The following NFIB variants were observed in gnomAD, a reference collection of about 807,000 sequenced individuals.
NFIB encodes nuclear factor I B.
Under a neutral mutation model 61.5 loss-of-function variants are expected in NFIB, and 11 were observed. The ratio of observed to expected loss-of-function variants is 0.18; its 90% CI spans 0.11 to 0.30. NFIB has a LOEUF of 0.30. Ranked by LOEUF, NFIB falls within the 10% of genes least tolerant of loss-of-function variation. The probability of loss-of-function intolerance (pLI) is 1.00; values close to 1 mark genes in which losing one functional copy is unlikely to be tolerated. For missense variants in NFIB, 471 were observed against 608.9 expected (o/e 0.77, Z 2.38); for synonymous variants, 260 against 216.5 (o/e 1.20, Z -1.76).
intron 1 of NFIB, among the ~76,000 whole-genome samples, chr9:14,340,965 C>T (rs1021160793): frequency 2.0e-5 from 3 of 151,324 alleles, no homozygotes; most frequent in Middle Eastern, 3.4e-3. Flanking sequence ...CTTATTTATA[C>T]GTTAATACTC....
chr9:14,436,832 G>A, the NFIB span, among the ~76,000 whole-genome samples: 2,923 of 152,276 alleles, frequency 0.019, 50 homozygotes, highest in Non-Finnish European at 0.031. Flanking sequence ...GGATTCAGTG[G>A]AGAAGAAAAC....
the NFIB span, among the ~76,000 whole-genome samples, chr9:14,434,223 T>C: frequency 2.6e-5 from 4 of 152,172 alleles, no homozygotes; most frequent in African/African-American, 9.7e-5. Context: ...ATTGGGAAAG[T>C]TGTGATAGGA....
At chr9:14,330,288 C>A (rs1169540609) in intron 1 of NFIB, among the ~76,000 whole-genome samples, 2 of 152,162 alleles carry the variant, frequency 1.3e-5, no homozygotes, top group Non-Finnish European at 2.9e-5. Flanking sequence ...TCTTATCTGA[C>A]ATACCTCACA....
At chr9:14,438,342 G>A in the NFIB span, among the ~76,000 whole-genome samples, 11 of 152,174 alleles carry the variant, frequency 7.2e-5, no homozygotes, top group Non-Finnish European at 1.5e-4. Flanking sequence ...TCTTACGTGT[G>A]ACCATCTCAA....
the NFIB span, among the ~76,000 whole-genome samples, chr9:14,422,673 G>A: frequency 6.6e-6 from 1 of 152,214 alleles, no homozygotes; most frequent in African/African-American, 2.4e-5. Flanking sequence ...GCTCAGCATA[G>A]GTCATGGGTC....
chr9:14,094,047 C>A (rs781091625), intron 10 of NFIB, among the ~76,000 whole-genome samples: 1 of 152,044 alleles, frequency 6.6e-6, no homozygotes, highest in Non-Finnish European at 1.5e-5. Flanking sequence ...CCTGATTTTA[C>A]AGATGAGGAA....
At chr9:14,428,927 G>A in the NFIB span, among the ~76,000 whole-genome samples, 3 of 152,104 alleles carry the variant, frequency 2.0e-5, no homozygotes, top group African/African-American at 4.8e-5. Flanking sequence ...AAAAGCCCCT[G>A]GTCTTTGATG....
chr9:14,249,516 T>A (rs1367343920), intron 2 of NFIB, among the ~76,000 whole-genome samples: 9 of 152,152 alleles, frequency 5.9e-5, no homozygotes, highest in Non-Finnish European at 2.9e-5. Context: ...TAGGCTAAAG[T>A]GCATTTTTGT....
chr9:14,103,916 T>C (rs1464643897), intron 10 of NFIB, among the ~76,000 whole-genome samples: 1 of 151,572 alleles, frequency 6.6e-6, no homozygotes, highest in Non-Finnish European at 1.5e-5. Flanking sequence ...GAAAGAAAAA[T>C]AAATATTCTT....
the NFIB span, among the ~76,000 whole-genome samples, chr9:14,506,410 T>C: frequency 2.6e-5 from 4 of 152,274 alleles, no homozygotes; most frequent in African/African-American, 9.6e-5. Context: ...CCCTTGTCTC[T>C]AGAAGAAGGA....
At chr9:14,248,869 C>T (rs956414908) in intron 2 of NFIB, among the ~76,000 whole-genome samples, 4 of 152,178 alleles carry the variant, frequency 2.6e-5, no homozygotes, top group Non-Finnish European at 5.9e-5. Context: ...GAAAGAGACC[C>T]TCTTTGCCCG....
At chr9:14,427,417 G>A in the NFIB span, among the ~76,000 whole-genome samples, 67 of 152,280 alleles carry the variant, frequency 4.4e-4, no homozygotes, top group African/African-American at 1.5e-3. Context: ...CATTTTACAT[G>A]AGGATAAACT....
chr9:14,087,703 AT>A lies in NFIB; in HGVS notation c.*605del, dbSNP rs993280619. The A allele has an allele frequency of 3.9e-4, 84 of 216,688 alleles. No individual in the cohort carries two copies. Among genetic ancestry groups the A allele is most frequent in the East Asian group, 6.8e-4 (10 of 14,732 alleles). The allele number at this position is 216,688 out of a possible 1,614,324, so 13.4% of individuals were successfully genotyped here. On this transcript the variant is annotated 3_prime_UTR_variant, in exon 11 of 11. Coordinates refer to ENST00000380953, the MANE Select transcript of NFIB (RefSeq NM_001190737.2). ...ACTAAAGGCTACAGAGATTTCATAT[AT>A]TTTTTTTAACTTTTAGAAATCAGAG... is the stretch of plus-strand genomic sequence containing the variant.
intron 2 of NFIB, among the ~76,000 whole-genome samples, chr9:14,213,287 T>C (rs2050503554): frequency 6.6e-6 from 1 of 151,488 alleles, no homozygotes; most frequent in Admixed American, 6.5e-5. Context: ...AAGTTACCTA[T>C]CCACCAGCAG....
intron 1 of NFIB, among the ~76,000 whole-genome samples, chr9:14,383,771 G>T (rs1378768039): frequency 1.3e-5 from 2 of 152,212 alleles, no homozygotes; most frequent in Non-Finnish European, 2.9e-5. Context: ...CTCTTCTCTG[G>T]CCACCTTGTG....
Position 14,086,598 on chromosome 9 carries a change from T to C in NFIB, c.*1711A>G, listed in dbSNP as rs1252682984. ...GATTACAATTTTTAAGCGGCAACTATACACAGCCATGATATGCTTTATAAA... is the reference window on the plus strand; with the variant it reads ...GATTACAATTTTTAAGCGGCAACTACACACAGCCATGATATGCTTTATAAA... On this transcript the variant is annotated 3_prime_UTR_variant, in exon 11 of 11. Coordinates refer to ENST00000380953, the MANE Select transcript of NFIB (RefSeq NM_001190737.2). 4.2e-5 allele frequency: 9 copies of C among 214,842 alleles called. No individual in the cohort carries two copies. The East Asian group carries it at 6.3e-4, about 15-fold the overall frequency. The allele number at this position is 214,842 out of a possible 1,614,324, so 13.3% of individuals were successfully genotyped here.
At chr9:14,452,438 GAAGGAAAGGA>G in the NFIB span, among the ~76,000 whole-genome samples, 60 of 24,234 alleles carry the variant, frequency 2.5e-3, no homozygotes, top group South Asian at 3.9e-3. Flanking sequence ...GGAGGGAGGG[GAAGGAAAGGA>G]AAGGAAAGGA....
chr9:14,136,907 T>A (rs2131002679), intron 6 of NFIB, among the ~76,000 whole-genome samples: 1 of 152,294 alleles, frequency 6.6e-6, no homozygotes, highest in East Asian at 1.9e-4. Flanking sequence ...AATTGTAGTG[T>A]TTAAGTTCAA....
chr9:14,134,913 A>AAAAAAAAAAAAAAAAAAAAAAAAG (rs1011872669), intron 6 of NFIB, among the ~76,000 whole-genome samples: 2 of 133,318 alleles, frequency 1.5e-5, no homozygotes, highest in Non-Finnish European at 1.6e-5. Flanking sequence ...AAAAAAAAAA[A>AAAAAAAAAAAAAAAAAAAAAAAAG]AAAAAAAGGA....
Sources: gnomAD v4.1 joint callset for allele counts (sites outside exome capture counted in the v4.1 genomes callset) on GRCh38, gnomAD v4.1.1 for gene constraint, MANE v1.5 for transcripts, NCBI Gene and HGNC (gene_info 2026-07-23, HGNC 2026-07-21) for gene names.